Variants in BMPR1B observed in about 807,000 individuals in gnomAD.
BMPR1B encodes the protein bone morphogenetic protein receptor type-1B.
BMPR1B carries 12 observed loss-of-function variants against 59.1 expected under a neutral mutation model. That is an observed-to-expected ratio of 0.20 (90% confidence interval 0.13 to 0.33). BMPR1B has a LOEUF of 0.33. BMPR1B is among the 10% of genes least tolerant of loss of function. The pLI is 1.00. For missense variants in BMPR1B, 550 were observed against 610.9 expected, an observed-to-expected ratio of 0.90 and a Z score of 1.05; for synonymous variants, 237 against 207.3, an observed-to-expected ratio of 1.14 and a Z score of -1.23.
chr4:94,964,248 A>C (rs1009764863), intron 2 of BMPR1B, among the ~76,000 whole-genome samples: 21 of 152,088 alleles, frequency 1.4e-4, no homozygotes, highest in Admixed American at 2.6e-4. Flanking sequence ...GGTTTTTCTA[A>C]ATATATCACC....
intron 2 of BMPR1B, among the ~76,000 whole-genome samples, chr4:94,975,192 C>T (rs145584934): frequency 1.8e-4 from 28 of 152,078 alleles, no homozygotes; most frequent in Middle Eastern, 3.4e-3. Flanking sequence ...ATAGATAGGA[C>T]GCAGAATATT....
intron 1 of BMPR1B, among the ~76,000 whole-genome samples, chr4:94,815,776 A>T (rs1723987598): frequency 6.6e-6 from 1 of 152,242 alleles, no homozygotes; most frequent in Non-Finnish European, 1.5e-5. Context: ...GGACTAAATA[A>T]GATGATACAT....
intron 3 of BMPR1B, among the ~76,000 whole-genome samples, chr4:95,023,454 T>G (rs1001198819): frequency 6.6e-6 from 1 of 152,140 alleles, no homozygotes; most frequent in Non-Finnish European, 1.5e-5. Context: ...CGTTCATGGG[T>G]CACTGCAGCC....
At chr4:94,764,091 GT>G (rs1423247551) in intron 1 of BMPR1B, among the ~76,000 whole-genome samples, 2 of 152,000 alleles carry the variant, frequency 1.3e-5, no homozygotes, top group Admixed American at 6.6e-5. Flanking sequence ...TGAATATTCT[GT>G]TTTGCCCCAT....
intron 3 of BMPR1B, among the ~76,000 whole-genome samples, chr4:95,066,599 T>A (rs1216350491): frequency 2.6e-5 from 4 of 152,208 alleles, no homozygotes; most frequent in Admixed American, 2.6e-4. Flanking sequence ...TGAGAAAATA[T>A]GCAGTGCCAG....
chr4:95,152,644 T>C lies in BMPR1B; in HGVS notation c.1254T>C (p.Gly418=), dbSNP rs1447465495. 1 of 1,541,720 alleles carries C rather than the reference T, an allele frequency of 6.5e-7. No homozygotes were observed. Among genetic ancestry groups the C allele is most frequent in the Non-Finnish European group, 8.8e-7 (1 of 1,138,620 alleles). Residue 418 remains glycine (G), a splice_region_variant and synonymous_variant, in exon 12 of 13, where the codon GGT becomes GGC. Transcript: ENST00000515059. ...WEVARRCVSG[G]IVEEYQLPYH... is the part of the protein sequence containing the mutation. ...ATAATAGTAACAACATATTTTTAGG[T>C]ATAGTGGAAGAATACCAGCTTCCTT...
chr4:94,982,991 G>GA (rs71583676), intron 2 of BMPR1B, among the ~76,000 whole-genome samples: 33,552 of 135,682 alleles, frequency 0.25, 4,786 homozygotes, highest in African/African-American at 0.43. Flanking sequence ...TCTCAAAAAA[G>GA]AAAAAAAAAA....
chr4:94,884,512 C>T (rs1052731821), intron 2 of BMPR1B, among the ~76,000 whole-genome samples: 5 of 151,316 alleles, frequency 3.3e-5, no homozygotes, highest in Admixed American at 1.3e-4. Context: ...GGAGACAGAG[C>T]GAGACTCTGT....
chr4:95,099,635 T>C (rs1486619886), intron 3 of BMPR1B, among the ~76,000 whole-genome samples: 2 of 152,272 alleles, frequency 1.3e-5, no homozygotes, highest in East Asian at 3.9e-4. Context: ...CACGTTACAG[T>C]AGGTTTGCTT....
At chr4:94,803,407 G>A (rs1447603127) in intron 1 of BMPR1B, among the ~76,000 whole-genome samples, 3 of 152,170 alleles carry the variant, frequency 2.0e-5, no homozygotes, top group African/African-American at 7.2e-5. Flanking sequence ...CACCCCCAGT[G>A]TTAGGGGTAG....
Position 94,914,544 on chromosome 4 carries a change from C to G in BMPR1B, c.-113+38644C>G, listed in dbSNP as rs545890061. Among the ~76,000 whole-genome samples the G allele has an allele frequency of 7.9e-5, 12 of 152,098 alleles. No individual in the cohort carries two copies. The South Asian group carries it at 2.5e-3, about 32-fold the overall frequency. On this transcript the variant is annotated intron_variant, in intron 2 of 12. Transcript: ENST00000515059. ...CAGTGCTTAATGGTGAGTATGCATG[C>G]AAAGGAAGGATAAGAATTACGGATT...
intron 2 of BMPR1B, among the ~76,000 whole-genome samples, chr4:94,932,409 A>G (rs968431293): frequency 3.9e-5 from 6 of 152,196 alleles, no homozygotes; most frequent in Non-Finnish European, 7.4e-5. Context: ...TTCTTAGTTT[A>G]GGGAGTAACT....
intron 4 of BMPR1B, among the ~76,000 whole-genome samples, chr4:95,112,969 A>G (rs942698879): frequency 6.6e-6 from 1 of 152,130 alleles, no homozygotes; most frequent in Non-Finnish European, 1.5e-5. Context: ...CCTTCCTGAT[A>G]TCATAAAATT....
chr4:94,977,976 A>T (rs1281744874), intron 2 of BMPR1B, among the ~76,000 whole-genome samples: 1 of 152,014 alleles, frequency 6.6e-6, no homozygotes, highest in African/African-American at 2.4e-5. Context: ...TGGTATGGCT[A>T]TTTTTTTTCT....
At chr4:94,856,372 C>T (rs1459127592) in intron 1 of BMPR1B, among the ~76,000 whole-genome samples, 1 of 152,146 alleles carries the variant, frequency 6.6e-6, no homozygotes, top group Non-Finnish European at 1.5e-5. Context: ...TGTCTTTCTC[C>T]AGCCAGCTAG....
intron 1 of BMPR1B, among the ~76,000 whole-genome samples, chr4:94,819,290 T>A (rs540021934): frequency 6.6e-6 from 1 of 152,302 alleles, no homozygotes; most frequent in South Asian, 2.1e-4. Flanking sequence ...GTTTTGGGGT[T>A]TTATTAACTC....
intron 11 of BMPR1B, 62 bp downstream of exon 11, chr4:95,148,985 G>T: frequency 6.3e-7 from 1 of 1,589,464 alleles, no homozygotes; most frequent in Admixed American, 1.7e-5. Flanking sequence ...CTTTCTTTCT[G>T]ATCAGAAATC....
intron 1 of BMPR1B, among the ~76,000 whole-genome samples, chr4:94,781,845 T>G (rs1722602072): frequency 6.6e-6 from 1 of 152,234 alleles, no homozygotes; most frequent in Non-Finnish European, 1.5e-5. Flanking sequence ...AGCCTCCATT[T>G]TTTTCTGTGT....
chr4:94,770,181 T>G (rs1560476251), intron 1 of BMPR1B, among the ~76,000 whole-genome samples: 6 of 42,798 alleles, frequency 1.4e-4, no homozygotes, highest in African/African-American at 4.3e-4. Context: ...TTCGTTTCTG[T>G]GTTTGTTTTT....
Sources: gnomAD v4.1 joint callset for allele counts (sites outside exome capture counted in the v4.1 genomes callset) on GRCh38, gnomAD v4.1.1 for gene constraint, MANE v1.5 for transcripts, NCBI Gene and HGNC (gene_info 2026-07-23, HGNC 2026-07-21) for gene names.